Variants in SRRM3 observed in about 807,000 individuals in gnomAD.
SRRM3 encodes the protein serine/arginine repetitive matrix 3.
SRRM3 carries 27 observed loss-of-function variants against 66.2 expected under a neutral mutation model. That is an observed-to-expected ratio of 0.41 (90% confidence interval 0.30 to 0.56). SRRM3 has a LOEUF of 0.56. Ranked by LOEUF, SRRM3 falls within the 20% of genes least tolerant of loss-of-function variation. SRRM3 has a pLI of 0.32. For missense variants in SRRM3, 918 were observed against 991.9 expected, an observed-to-expected ratio of 0.93 and a Z score of 1.00; for synonymous variants, 391 against 414.9, an observed-to-expected ratio of 0.94 and a Z score of 0.70.
chr7:76,275,732 G>A (rs1285566391), intron 11 of SRRM3, among the ~76,000 whole-genome samples: 1 of 151,972 alleles, frequency 6.6e-6, no homozygotes, highest in Non-Finnish European at 1.5e-5. Context: ...TGAACACACT[G>A]CCCCTTGCTA....
chr7:76,219,068 G>A (rs992781148), intron 1 of SRRM3, among the ~76,000 whole-genome samples: 1 of 152,018 alleles, frequency 6.6e-6, no homozygotes, highest in Admixed American at 6.6e-5. Flanking sequence ...GGCTGGTCTT[G>A]AACTCCTGGC....
chr7:76,279,717 A>T (rs1305104261), intron 11 of SRRM3, among the ~76,000 whole-genome samples: 1 of 152,096 alleles, frequency 6.6e-6, no homozygotes, highest in African/African-American at 2.4e-5. Flanking sequence ...TCACTCGGTG[A>T]GATAGAGGCA....
intron 11 of SRRM3, among the ~76,000 whole-genome samples, chr7:76,281,226 C>T (rs1327765397): frequency 6.6e-6 from 1 of 151,276 alleles, no homozygotes; most frequent in Admixed American, 6.6e-5. Flanking sequence ...CTCTCCGTCT[C>T]TTTTTCTCTG....
Position 76,281,503 on chromosome 7 carries a change from C to A in SRRM3, c.1071C>A (p.Pro357=), listed in dbSNP as rs1163528979. The change falls in exon 12 of 15, where the codon CCC becomes CCA. Residue 357 remains proline (P), a synonymous_variant. Coordinates refer to ENST00000611745, the MANE Select transcript of SRRM3 (RefSeq NM_001110199.3). Reference sequence around the variant, plus strand: ...CGGCGGCCGCCGCACCCACGCCGCCCGCGCGGGGGAAGGAGAGCCCGAGCC... The same window carrying A: ...CGGCGGCCGCCGCACCCACGCCGCCAGCGCGGGGGAAGGAGAGCCCGAGCC... ...DKAAAAAPTP[P]ARGKESPSPR... 4 of 1,217,220 alleles carry A rather than the reference C, an allele frequency of 3.3e-6. No individual in the cohort carries two copies. The highest frequency in any genetic ancestry group is 4.1e-6 in the Non-Finnish European group (4 of 975,354). 75.4% of individuals were successfully genotyped at this position (1,217,220 alleles called of 1,614,324 possible).
At chr7:76,274,393 T>G (rs1802289563) in intron 11 of SRRM3, among the ~76,000 whole-genome samples, 1 of 152,170 alleles carries the variant, frequency 6.6e-6, no homozygotes, top group Admixed American at 6.5e-5. Flanking sequence ...GTAGATTCAT[T>G]TGGGGTGGCA....
At position 76,281,704 on chromosome 7, in the gene SRRM3, C is replaced by A. The variant is rs1554611929; in HGVS notation, c.1272C>A (p.Ser424Arg). 17 of 1,157,734 alleles carry A rather than the reference C, an allele frequency of 1.5e-5. No homozygotes were observed. Among genetic ancestry groups the A allele is most frequent in the Admixed American group, 4.8e-5 (1 of 20,686 alleles). The allele number at this position is 1,157,734 out of a possible 1,614,324, so 71.7% of individuals were successfully genotyped here. A position where few individuals can be genotyped will look rare whatever the true frequency, so the allele number is the denominator to read the frequency against. ...CCCGGGGCTCGTCGCGCTCGCTCAG[C>A]AGGGCCCGCTCCAGCAGCGACTCCG... ...APPRGSSRSL[S>R]RARSSSDSGS... The change falls in exon 12 of 15, where the codon AGC becomes AGA. Residue 424 changes from serine (S) to arginine (R), a missense_variant. Transcript: ENST00000611745.
chr7:76,205,368 C>A (rs1463857812), intron 1 of SRRM3, among the ~76,000 whole-genome samples: 1 of 152,136 alleles, frequency 6.6e-6, no homozygotes, highest in African/African-American at 2.4e-5. Context: ...TGCCACCACA[C>A]CTGGCTAATT....
chr7:76,242,917 C>G (rs782076843), intron 2 of SRRM3, among the ~76,000 whole-genome samples: 3 of 152,158 alleles, frequency 2.0e-5, no homozygotes, highest in Non-Finnish European at 4.4e-5. Context: ...TCACCTCCTG[C>G]TGTGCAGCCT....
At chr7:76,282,428 C>T (rs1160360321) in intron 12 of SRRM3, among the ~76,000 whole-genome samples, 3 of 149,854 alleles carry the variant, frequency 2.0e-5, no homozygotes, top group African/African-American at 7.4e-5. Flanking sequence ...AGAACAATCT[C>T]CTCCACTGAT....
At chr7:76,262,532 A>AC (rs1563632676) in intron 8 of SRRM3, among the ~76,000 whole-genome samples, 1 of 151,216 alleles carries the variant, frequency 6.6e-6, no homozygotes, top group African/African-American at 2.4e-5. Flanking sequence ...AAAAAAAAAA[A>AC]AAACAAAGTC....
chr7:76,256,423 C>T (rs547267248), intron 3 of SRRM3, among the ~76,000 whole-genome samples: 1 of 151,918 alleles, frequency 6.6e-6, no homozygotes, highest in South Asian at 2.1e-4. Flanking sequence ...AGGAGAATCG[C>T]TTGAACCCTG....
At chr7:76,283,340 G>C (rs1802581076) in intron 14 of SRRM3, among the ~76,000 whole-genome samples, 1 of 152,006 alleles carries the variant, frequency 6.6e-6, no homozygotes, top group African/African-American at 2.4e-5. Flanking sequence ...CCACGCAGAA[G>C]GAAGGGCCAC....
At chr7:76,203,331 A>T (rs1270766583) in intron 1 of SRRM3, among the ~76,000 whole-genome samples, 2 of 152,236 alleles carry the variant, frequency 1.3e-5, no homozygotes, top group Non-Finnish European at 2.9e-5. Flanking sequence ...TCAGAAAGAC[A>T]TGGGATCAAA....
At chr7:76,221,602 T>C (rs1383578612) in intron 1 of SRRM3, among the ~76,000 whole-genome samples, 1 of 152,086 alleles carries the variant, frequency 6.6e-6, no homozygotes, top group Non-Finnish European at 1.5e-5. Context: ...GACCTTGTGA[T>C]CCACCCGCCT....
chr7:76,247,817 CCT>C (rs1406564011), intron 2 of SRRM3, among the ~76,000 whole-genome samples: 2 of 152,138 alleles, frequency 1.3e-5, no homozygotes, highest in Admixed American at 1.3e-4. Flanking sequence ...ACCTCAGCCT[CCT>C]GAGTAGCGGG....
chr7:76,267,482 C>T, intron 11 of SRRM3, 47 bp downstream of exon 11: 1 of 1,250,662 alleles, frequency 8.0e-7, no homozygotes, highest in Non-Finnish European at 1.0e-6. Context: ...GCGGGCTGCG[C>T]CGTGCGTGGT....
intron 3 of SRRM3, among the ~76,000 whole-genome samples, chr7:76,257,191 C>G (rs1801734115): frequency 6.6e-6 from 1 of 152,076 alleles, no homozygotes; most frequent in Non-Finnish European, 1.5e-5. Flanking sequence ...GGTTCACATG[C>G]CTCTGACAAA....
In SRRM3 at chr7:76,279,916, C is replaced by T. The variant is rs1430605833; in HGVS notation, c.1009-1525C>T. 4.6e-5 allele frequency among the ~76,000 whole-genome samples: 7 copies of T among 152,238 alleles called. No homozygotes were observed. The South Asian group carries it at 1.0e-3, about 23-fold the overall frequency. ...CTGCCAGCCCTTCCTCCAGAGGCGG[C>T]GTGGCCTCTTCTCAGGCCTAGAATG... is the stretch of plus-strand genomic sequence containing the variant. On this transcript the variant is annotated intron_variant, in intron 11 of 14. Transcript: ENST00000611745.
At chr7:76,283,459 G>GCCCCCCCCCCCCCCCC in intron 14 of SRRM3, 1 of 459,434 alleles carries the variant, frequency 2.2e-6, no homozygotes, top group Non-Finnish European at 4.2e-6. Context: ...TCCCTCCGGA[G>GCCCCCCCCCCCCCCCC]CCCCTCCCGC....
Sources: gnomAD v4.1 joint callset for allele counts (sites outside exome capture counted in the v4.1 genomes callset) on GRCh38, gnomAD v4.1.1 for gene constraint, MANE v1.5 for transcripts, NCBI Gene and HGNC (gene_info 2026-07-23, HGNC 2026-07-21) for gene names.